The following PEPD variants were observed in gnomAD, a reference collection of about 807,000 sequenced individuals.
The protein encoded by PEPD is xaa-Pro dipeptidase.
PEPD carries 53 observed loss-of-function variants against 60.7 expected under a neutral mutation model. The ratio of observed to expected loss-of-function variants is 0.87; its 90% CI spans 0.70 to 1.10. The LOEUF (loss-of-function observed/expected upper bound fraction) is 1.10, where lower values mean the gene tolerates loss of function less well. Among genes scored for constraint, PEPD ranks in the 50% least tolerant of loss-of-function variants. The probability of loss-of-function intolerance (pLI) is 0.00; values close to 1 mark genes in which losing one functional copy is unlikely to be tolerated. For missense variants in PEPD, 711 were observed against 711.9 expected, an observed-to-expected ratio of 1.00 and a Z score of 0.01; for synonymous variants, 267 against 284.1, an observed-to-expected ratio of 0.94 and a Z score of 0.60.
Position 33,463,974 on chromosome 19 carries a change from G to A in PEPD, c.624+13C>T, listed in dbSNP as rs756732232. ...TGCTTTCCCCACTCAACCAGAGCCG[G>A]TGCCTGACTTACCTCACGGTGGGCC... On this transcript the variant is annotated intron_variant, in intron 8 of 14. Transcript: ENST00000244137. 6 of 1,585,382 alleles carry A rather than the reference G, an allele frequency of 3.8e-6. No individual in the cohort carries two copies. The highest frequency in any genetic ancestry group is 1.7e-5 in the Admixed American group (1 of 59,314).
At chr19:33,392,391 TC>T (rs1325598815) in intron 12 of PEPD, among the ~76,000 whole-genome samples, 1 of 152,158 alleles carries the variant, frequency 6.6e-6, no homozygotes, top group Non-Finnish European at 1.5e-5. Context: ...AGCATCAGCC[TC>T]TCCTCATGGT....
intron 9 of PEPD, among the ~76,000 whole-genome samples, chr19:33,452,053 C>T (rs1023308955): frequency 5.9e-5 from 9 of 152,166 alleles, no homozygotes; most frequent in Non-Finnish European, 1.2e-4. Flanking sequence ...AAACTAAACA[C>T]TTTCCAGTAT....
chr19:33,489,997 T>C lies in PEPD; in HGVS notation c.502A>G (p.Lys168Glu). ...CREASFDGIS[K>E]FEVNNTILHP... ...AGTCCCTGGGGGCCCAGGACTCACT[T>C]GCTGATGCCGTCAAAGGAGGCCTCC... Residue 168 changes from lysine to glutamate, a missense_variant and splice_region_variant, in exon 6 of 15, where the codon AAG becomes GAG. By Grantham distance (56) the Lys-to-Glu change is moderately conservative. Transcript: ENST00000244137. The C allele has an allele frequency of 6.2e-7, 1 of 1,601,454 alleles. No individual in the cohort carries two copies. The highest frequency in any genetic ancestry group is 8.5e-7 in the Non-Finnish European group (1 of 1,171,252).
chr19:33,472,808 A>C (rs73590289), intron 7 of PEPD, among the ~76,000 whole-genome samples: 1,838 of 152,312 alleles, frequency 0.012, 37 homozygotes, highest in African/African-American at 0.041. Flanking sequence ...ATGGATGTGC[A>C]GGGAATGATT....
intron 12 of PEPD, among the ~76,000 whole-genome samples, chr19:33,395,558 G>A (rs1006835628): frequency 2.0e-5 from 3 of 152,314 alleles, no homozygotes; most frequent in East Asian, 3.9e-4. Context: ...TGTGGCCAGC[G>A]TAGCCCCTGA....
intron 11 of PEPD, among the ~76,000 whole-genome samples, chr19:33,402,744 G>A (rs1237973277): frequency 2.0e-5 from 3 of 152,202 alleles, no homozygotes; most frequent in Non-Finnish European, 4.4e-5. Context: ...AGGCAGGGGC[G>A]TGGAGAATGG....
chr19:33,440,880 T>C (rs1417211239), intron 9 of PEPD, among the ~76,000 whole-genome samples: 1 of 152,160 alleles, frequency 6.6e-6, no homozygotes, highest in African/African-American at 2.4e-5. Context: ...TGAGGGGCAC[T>C]GGCAGGCTGG....
intron 12 of PEPD, among the ~76,000 whole-genome samples, chr19:33,397,150 C>T (rs966056369): frequency 3.9e-5 from 6 of 152,292 alleles, no homozygotes; most frequent in Non-Finnish European, 4.4e-5. Context: ...GTAGGGTCTC[C>T]GTCTGAGCGA....
intron 4 of PEPD, among the ~76,000 whole-genome samples, chr19:33,495,118 A>T (rs1402909556): frequency 6.6e-6 from 1 of 151,272 alleles, no homozygotes; most frequent in Non-Finnish European, 1.5e-5. Flanking sequence ...CCTGGGCAAC[A>T]GAGCAAGACT....
intron 9 of PEPD, among the ~76,000 whole-genome samples, chr19:33,418,809 G>A (rs1400650969): frequency 1.3e-5 from 2 of 152,216 alleles, no homozygotes; most frequent in Non-Finnish European, 2.9e-5. Context: ...CACCCTCTGA[G>A]GCTCCGAGTG....
Position 33,443,879 on chromosome 19 carries a change from G to GCA in PEPD, c.671+19114_671+19115dup, listed in dbSNP as rs145734897. Among the ~76,000 whole-genome samples, 200 of 151,534 alleles carry GCA rather than the reference G, an allele frequency of 1.3e-3. 1 individual carries two copies. Among genetic ancestry groups the GCA allele is most frequent in the African/African-American group, 4.4e-3 (182 of 41,340 alleles). Reference sequence around the variant, plus strand: ...ATCACACACTTGCGAACATGCGCGTGCACACACACACACAGTATCCTCAGG... The same window carrying GCA: ...ATCACACACTTGCGAACATGCGCGTGCACACACACACACACAGTATCCTCAGG... On this transcript the variant is annotated intron_variant, in intron 9 of 14. Coordinates refer to ENST00000244137, the MANE Select transcript of PEPD (RefSeq NM_000285.4).
chr19:33,463,097 G>T, intron 8 of PEPD, 56 bp from the exon 9 acceptor site: 1 of 1,050,700 alleles, frequency 9.5e-7, no homozygotes. Context: ...GTAACACAGC[G>T]TGATAAATAA....
intron 3 of PEPD, among the ~76,000 whole-genome samples, chr19:33,506,374 CACAA>C (rs993572279): frequency 7.0e-6 from 1 of 142,498 alleles, no homozygotes; most frequent in Non-Finnish European, 1.5e-5. Flanking sequence ...CACACCCCAT[CACAA>C]ACACCTTACA....
chr19:33,451,540 G>C (rs1969700755), intron 9 of PEPD, among the ~76,000 whole-genome samples: 1 of 152,094 alleles, frequency 6.6e-6, no homozygotes, highest in Admixed American at 6.6e-5. Flanking sequence ...GGAAAAAACA[G>C]AAACCAGAAA....
intron 9 of PEPD, among the ~76,000 whole-genome samples, chr19:33,419,866 G>A: frequency 6.6e-6 from 1 of 151,914 alleles, no homozygotes; most frequent in Middle Eastern, 3.2e-3. Context: ...TCTGAGAGAG[G>A]CCTGGGATGC....
intron 9 of PEPD, among the ~76,000 whole-genome samples, chr19:33,419,521 T>C (rs1236048311): frequency 2.0e-5 from 3 of 152,190 alleles, no homozygotes; most frequent in African/African-American, 7.2e-5. Context: ...ACCCACTGAA[T>C]CCGTGTTCGG....
intron 9 of PEPD, among the ~76,000 whole-genome samples, chr19:33,433,128 C>T (rs1488814621): frequency 1.3e-5 from 2 of 152,244 alleles, no homozygotes; most frequent in South Asian, 2.1e-4. Flanking sequence ...TAATCAACTG[C>T]AATCCATGTC....
chr19:33,391,233 T>G, intron 13 of PEPD, 62 bp downstream of exon 13: 1 of 1,377,090 alleles, frequency 7.3e-7, no homozygotes, highest in South Asian at 1.2e-5. Context: ...CACCCTGCCC[T>G]GGGGGTCAGG....
At chr19:33,464,698 C>T (rs902188391) in intron 7 of PEPD, among the ~76,000 whole-genome samples, 1 of 152,114 alleles carries the variant, frequency 6.6e-6, no homozygotes, top group Non-Finnish European at 1.5e-5. Flanking sequence ...GAGTCACAAT[C>T]GAGGGACCCT....
Sources: gnomAD v4.1 joint callset for allele counts (sites outside exome capture counted in the v4.1 genomes callset) on GRCh38, gnomAD v4.1.1 for gene constraint, MANE v1.5 for transcripts, NCBI Gene and HGNC (gene_info 2026-07-23, HGNC 2026-07-21) for gene names.